The following ESPNL variants were observed in gnomAD, a reference collection of about 807,000 sequenced individuals.
ESPNL encodes the protein espin like, also known as espin-like protein.
A neutral mutation model predicts 46.8 loss-of-function variants in ESPNL; 49 were observed. The ratio of observed to expected loss-of-function variants is 1.05; its 90% CI spans 0.83 to 1.33. The LOEUF (loss-of-function observed/expected upper bound fraction) is 1.33. ESPNL is among the 40% of genes most tolerant of loss of function. ESPNL has a pLI of 0.00. For synonymous variants in ESPNL, 664 were observed against 662.1 expected (o/e 1.00, Z -0.04); for missense variants, 1,540 against 1,436.6 (o/e 1.07, Z -1.16).
At chr2:238,116,091 G>A (rs1691809706) in intron 4 of ESPNL, among the ~76,000 whole-genome samples, 1 of 152,220 alleles carries the variant, frequency 6.6e-6, no homozygotes, top group Admixed American at 6.5e-5. Context: ...CACAGCGTTC[G>A]CCTAACTCGA....
intron 5 of ESPNL, among the ~76,000 whole-genome samples, chr2:238,124,879 A>G (rs1692070513): frequency 6.6e-6 from 1 of 152,076 alleles, no homozygotes; most frequent in African/African-American, 2.4e-5. Context: ...GTGTGTGCAT[A>G]TGTGTGCACA....
chr2:238,126,386 G>GTA (rs1692116109), intron 6 of ESPNL, among the ~76,000 whole-genome samples: 1 of 151,300 alleles, frequency 6.6e-6, no homozygotes, highest in African/African-American at 2.4e-5. Flanking sequence ...GTGATTGTGT[G>GTA]TCTCTGTATG....
rs368332836 is a variant in ESPNL at position 238,119,500 on chromosome 2, A to G, written c.987+2466A>G. Among the ~76,000 whole-genome samples, 8 of 94,960 alleles carry G rather than the reference A, an allele frequency of 8.4e-5. No homozygotes were observed. The East Asian group carries it at 1.4e-3, about 16-fold the overall frequency. The allele number at this position is 94,960 out of a possible 152,430, so 62.3% of individuals were successfully genotyped here. On this transcript the variant is annotated intron_variant, in intron 5 of 8. Coordinates refer to ENST00000343063, the MANE Select transcript of ESPNL (RefSeq NM_194312.4). ...TGGAGGAGGTGGATGGAGGAGGTGG[A>G]TGGAGGAGGTGGGTGGAGGAGGGGA...
At chr2:238,128,951 T>G in intron 8 of ESPNL, 47 bp downstream of exon 8, 3 of 1,506,224 alleles carry the variant, frequency 2.0e-6, no homozygotes, top group Non-Finnish European at 2.7e-6. Flanking sequence ...CGGGGCCTTT[T>G]CCAGGTAGGT....
rs368522053 is a variant in ESPNL, at chr2:238,104,756, G to T, written c.586G>T (p.Ala196Ser). The T allele has an allele frequency of 1.2e-6, 2 of 1,605,762 alleles. No individual in the cohort carries two copies. Among genetic ancestry groups the T allele is most frequent in the Non-Finnish European group, 8.5e-7 (1 of 1,177,588 alleles). The change falls in exon 3 of 9, where the codon GCT becomes TCT. Residue 196 changes from alanine (A) to serine (S), a missense_variant. Physicochemically the swap from Ala to Ser is moderately conservative, Grantham distance 99 (BLOSUM62 1). Transcript: ENST00000343063. Reference protein sequence around the residue: ...LAQFLVKDCGADVHLRALDGM... With the variant: ...LAQFLVKDCGSDVHLRALDGM... Reference sequence around the variant, plus strand: ...CCAGTTCCTGGTGAAGGACTGTGGCGCTGACGTGCACCTTCGTGCTCTCGA... The same window carrying T: ...CCAGTTCCTGGTGAAGGACTGTGGCTCTGACGTGCACCTTCGTGCTCTCGA...
At chr2:238,119,447 A>AGAGGAGATG (rs150026661) in intron 5 of ESPNL, among the ~76,000 whole-genome samples, 6,882 of 73,920 alleles carry the variant, frequency 0.093, 930 homozygotes, top group East Asian at 0.19. Flanking sequence ...GAGGTGGAGG[A>AGAGGAGATG]GAGGAGGTTA....
In ESPNL at chr2:238,131,330, G is replaced by C. The variant is rs534786155; in HGVS notation, c.2616G>C (p.Ala872=). 7.5e-6 allele frequency: 12 copies of C among 1,589,744 alleles called. No individual in the cohort carries two copies. The highest frequency in any genetic ancestry group is 9.4e-6 in the Non-Finnish European group (11 of 1,168,770). The change falls in exon 9 of 9, where the codon GCG becomes GCC. Residue 872 remains alanine, a synonymous_variant. Coordinates refer to ENST00000343063, the MANE Select transcript of ESPNL (RefSeq NM_194312.4). ...YFQLLECDLP[A]EERKLRHLLC... Reference sequence around the variant, plus strand: ...AGCTGCTGGAGTGCGACCTGCCGGCGGAGGAGCGGAAGCTGCGCCACCTGC... The same window carrying C: ...AGCTGCTGGAGTGCGACCTGCCGGCCGAGGAGCGGAAGCTGCGCCACCTGC...
At position 238,131,535 on chromosome 2, in the gene ESPNL, C is replaced by G. The variant is rs772882990; in HGVS notation, c.2821C>G (p.Arg941Gly). The G allele has an allele frequency of 6.2e-7, 1 of 1,611,366 alleles. No individual in the cohort carries two copies. Among genetic ancestry groups the G allele is most frequent in the Non-Finnish European group, 8.5e-7 (1 of 1,179,326 alleles). ...QRPAWDTEPG[R>G]KSGLTLLGPL... ...TCCCGCCTGGGATACGGAGCCTGGC[C>G]GCAAGTCAGGTCTGACCCTGCTCGG... The change falls in exon 9 of 9, where the codon CGC (arginine) becomes GGC (glycine). Residue 941 changes from arginine to glycine, a missense_variant. Coordinates refer to ENST00000343063, the MANE Select transcript of ESPNL (RefSeq NM_194312.4).
At chr2:238,123,094 T>C (rs1468863046) in intron 5 of ESPNL, among the ~76,000 whole-genome samples, 1 of 152,180 alleles carries the variant, frequency 6.6e-6, no homozygotes, top group African/African-American at 2.4e-5. Flanking sequence ...ATGGCAGCTG[T>C]GCCGCATAGG....
rs766992143 is a variant in ESPNL at position 238,130,235 on chromosome 2, G to C, written c.1521G>C (p.Leu507=). Residue 507 remains leucine, a synonymous_variant, in exon 9 of 9, where the codon CTG becomes CTC. Transcript: ENST00000343063. ...GGGAGCTGCTGACAGAGGATGACCT[G>C]GTCTACCTGGAGAAGCAGATTGCAG... ...PFGELLTEDD[L]VYLEKQIADL... The C allele has an allele frequency of 1.2e-6, 2 of 1,611,254 alleles. No homozygotes were observed. Among genetic ancestry groups the C allele is most frequent in the Non-Finnish European group, 8.5e-7 (1 of 1,179,220 alleles).
rs1229560063 is a variant in ESPNL at position 238,132,164 on chromosome 2, C to G, written c.*432C>G. 1 of 165,334 alleles carries G rather than the reference C, an allele frequency of 6.0e-6. No homozygotes were observed. Among genetic ancestry groups the G allele is most frequent in the Non-Finnish European group, 1.3e-5 (1 of 76,558 alleles). The allele number at this position is 165,334 out of a possible 1,614,324, so 10.2% of individuals were successfully genotyped here. A position where few individuals can be genotyped will look rare whatever the true frequency, so the allele number is the denominator to read the frequency against. On this transcript the variant is annotated 3_prime_UTR_variant, in exon 9 of 9. Transcript: ENST00000343063. ...AGGTGGCCCCAGGCCCTGGTCCTGCCCCTGTTTCTCCTGCTGACCTTGGGT... is the reference window on the plus strand; with the variant it reads ...AGGTGGCCCCAGGCCCTGGTCCTGCGCCTGTTTCTCCTGCTGACCTTGGGT...
intron 5 of ESPNL, among the ~76,000 whole-genome samples, chr2:238,120,203 A>G (rs1304433626): frequency 6.6e-6 from 1 of 152,178 alleles, no homozygotes; most frequent in African/African-American, 2.4e-5. Context: ...ATGGTGCTCC[A>G]TGGCCCACAG....
rs1175941857 is a variant in ESPNL, at chr2:238,114,744, GA to G, written c.856-2154del. Among the ~76,000 whole-genome samples the G allele has an allele frequency of 6.6e-6, 1 of 152,228 alleles. No homozygotes were observed. Among genetic ancestry groups the G allele is most frequent in the African/African-American group, 2.4e-5 (1 of 41,456 alleles). ...TTTTCCCTTTTTAAATGGGGAAAAGGAAAAAGAATCACATCTCATGACACAT... is the reference window on the plus strand; with the variant it reads ...TTTTCCCTTTTTAAATGGGGAAAAGGAAAAGAATCACATCTCATGACACAT... On this transcript the variant is annotated intron_variant, in intron 4 of 8. Coordinates refer to ENST00000343063, the MANE Select transcript of ESPNL (RefSeq NM_194312.4). This position sits in a 1 kb window ranked among gnomAD's most constrained non-coding sequence, Gnocchi z 5.0.
At position 238,113,206 on chromosome 2, in the gene ESPNL, C is replaced by T. The variant is rs76352009; in HGVS notation, c.856-3697C>T. Among the ~76,000 whole-genome samples, 6 of 152,218 alleles carry T rather than the reference C, an allele frequency of 3.9e-5. No homozygotes were observed. The East Asian group carries it at 1.2e-3, about 29-fold the overall frequency. On this transcript the variant is annotated intron_variant, in intron 4 of 8. Transcript: ENST00000343063. ...TTTCTATACTTATTTGATGGTGAAG[C>T]TTATTCATACTTTGCTTTCGGCCTT...
At chr2:238,107,684 C>G in intron 3 of ESPNL, 107 bp from the exon 4 acceptor site, 1 of 1,163,170 alleles carries the variant, frequency 8.6e-7, no homozygotes, top group Non-Finnish European at 1.2e-6. Context: ...ACCCTGTGCC[C>G]CGAGAGGTAC....
At chr2:238,126,650 TTG>T (rs1487574919) in intron 6 of ESPNL, among the ~76,000 whole-genome samples, 2 of 148,886 alleles carry the variant, frequency 1.3e-5, no homozygotes, top group East Asian at 2.1e-4. Context: ...TTCTGTGTGA[TTG>T]TGTCTGTGAT....
chr2:238,103,467 GCACACACA>G (rs1173529832), intron 2 of ESPNL, among the ~76,000 whole-genome samples: 7 of 151,838 alleles, frequency 4.6e-5, no homozygotes, highest in Non-Finnish European at 8.8e-5. Flanking sequence ...ATGTTAATAT[GCACACACA>G]CACGCACACA....
intron 6 of ESPNL, among the ~76,000 whole-genome samples, 181 bp downstream of exon 6, chr2:238,125,565 G>T (rs1692087185): frequency 6.6e-6 from 1 of 152,258 alleles, no homozygotes; most frequent in Non-Finnish European, 1.5e-5. Context: ...GAAACATGAG[G>T]ATTAGCATTT....
intron 3 of ESPNL, among the ~76,000 whole-genome samples, chr2:238,106,732 G>C (rs2880214): frequency 2.3e-5 from 2 of 85,478 alleles, no homozygotes; most frequent in African/African-American, 3.1e-4. Flanking sequence ...TCCTGAGGGA[G>C]GGAAACAGGG....
Sources: allele counts gnomAD v4.1 joint callset (sites outside exome capture counted in the v4.1 genomes callset), GRCh38; gene constraint gnomAD v4.1.1; non-coding constraint Gnocchi (gnomAD v3.1); transcripts MANE v1.5; gene names NCBI Gene and HGNC (gene_info 2026-07-23, HGNC 2026-07-21).